Variants in CYP2J2 observed in about 807,000 individuals in gnomAD.
CYP2J2 encodes cytochrome P450 2J2.
A neutral mutation model predicts 48.8 loss-of-function variants in CYP2J2; 41 were observed. The observed-to-expected ratio is 0.84, with a 90% CI of 0.66 to 1.09. The LOEUF (loss-of-function observed/expected upper bound fraction) is 1.09. Among genes scored for constraint, CYP2J2 ranks in the 50% least tolerant of loss-of-function variants. CYP2J2 has a pLI of 0.00. For missense variants in CYP2J2, 644 were observed against 617.3 expected (o/e 1.04, Z -0.46); for synonymous variants, 221 against 227.1 (o/e 0.97, Z 0.24).
chr1:59,967,097 G>A, the CYP2J2 span, among the ~76,000 whole-genome samples: 1 of 152,132 alleles, frequency 6.6e-6, no homozygotes, highest in African/African-American at 2.4e-5. Flanking sequence ...CCTTTGAGCA[G>A]ATGTAGTTTT....
chr1:59,942,110 C>T, the CYP2J2 span, among the ~76,000 whole-genome samples: 2 of 152,072 alleles, frequency 1.3e-5, no homozygotes, highest in Admixed American at 1.3e-4. Flanking sequence ...TTTTGTGAAA[C>T]TTATGTTCTG....
rs373693438 is a variant in CYP2J2 at position 59,907,774 on chromosome 1, T to C, written c.1003+12A>G. 6.2e-7 allele frequency: 1 copy of C among 1,613,780 alleles called. No homozygotes were observed. Among genetic ancestry groups the C allele is most frequent in the Non-Finnish European group, 8.5e-7 (1 of 1,179,802 alleles). ...TCTGTCCTGGTTCAGGCTTACTCAC[T>C]GACATGCTCACCTTGGATTTCTGGG... On this transcript the variant is annotated intron_variant, in intron 6 of 8. Coordinates refer to ENST00000371204, the MANE Select transcript of CYP2J2 (RefSeq NM_000775.4).
the CYP2J2 span, among the ~76,000 whole-genome samples, chr1:59,948,657 T>G: frequency 6.6e-6 from 1 of 152,232 alleles, no homozygotes; most frequent in African/African-American, 2.4e-5. Context: ...TAATCATATT[T>G]TTGATGACAG....
chr1:59,940,799 A>G, the CYP2J2 span, among the ~76,000 whole-genome samples: 2 of 152,202 alleles, frequency 1.3e-5, no homozygotes, highest in African/African-American at 4.8e-5. Flanking sequence ...ATGGAAAACT[A>G]TTTGCCCATA....
chr1:59,925,840 G>T (rs1480728333), intron 1 of CYP2J2, among the ~76,000 whole-genome samples: 1 of 152,160 alleles, frequency 6.6e-6, no homozygotes. Context: ...TTGTCTCTCA[G>T]CAAGTTACCT....
chr1:59,944,408 A>T, the CYP2J2 span, among the ~76,000 whole-genome samples: 1 of 152,126 alleles, frequency 6.6e-6, no homozygotes, highest in Non-Finnish European at 1.5e-5. Flanking sequence ...TTTTTAGTAG[A>T]GCCGGGGTTT....
intron 4 of CYP2J2, 47 bp from the exon 5 acceptor site, chr1:59,910,007 T>G (rs1009652908): frequency 1.4e-6 from 2 of 1,466,348 alleles, no homozygotes; most frequent in Non-Finnish European, 1.9e-6. Context: ...TGGTGCCATT[T>G]TTTTCTTTTT....
the CYP2J2 span, among the ~76,000 whole-genome samples, chr1:59,945,254 C>T: frequency 6.6e-6 from 1 of 152,080 alleles, no homozygotes; most frequent in Non-Finnish European, 1.5e-5. Flanking sequence ...TTTGGCCCAT[C>T]TGACACTATT....
intron 1 of CYP2J2, among the ~76,000 whole-genome samples, chr1:59,917,730 A>C (rs1001956525): frequency 2.6e-5 from 4 of 152,212 alleles, no homozygotes; most frequent in African/African-American, 9.6e-5. Flanking sequence ...CACGAATCAA[A>C]ATCCTTCCTA....
chr1:59,934,376 A>G, the CYP2J2 span, among the ~76,000 whole-genome samples: 4 of 152,334 alleles, frequency 2.6e-5, no homozygotes, highest in East Asian at 7.7e-4. Context: ...GCAAAAACAT[A>G]CAAGTGAGAA....
chr1:59,909,989 A>G (rs2102122001), intron 4 of CYP2J2, 29 bp from the exon 5 acceptor site: 1 of 1,550,960 alleles, frequency 6.4e-7, no homozygotes, highest in East Asian at 2.3e-5. Flanking sequence ...ACAATCATGC[A>G]GATAACATGG....
the CYP2J2 span, among the ~76,000 whole-genome samples, chr1:59,959,361 C>T: frequency 3.3e-5 from 5 of 151,264 alleles, no homozygotes; most frequent in African/African-American, 1.2e-4. Flanking sequence ...AGATTCCTTA[C>T]ATAACTAAAA....
chr1:59,955,239 GATATATATATATCCATATATATATCCAT>G, the CYP2J2 span, among the ~76,000 whole-genome samples: 10 of 107,836 alleles, frequency 9.3e-5, no homozygotes, highest in African/African-American at 4.8e-4. Flanking sequence ...TACGAATAAG[GATATATATATATCCATATATATATCCAT>G]ATATATATAT....
intron 2 of CYP2J2, chr1:59,912,891 G>A (rs1327496442): frequency 6.6e-6 from 1 of 151,918 alleles, no homozygotes; most frequent in Admixed American, 6.5e-5. Context: ...AGAGATCAAG[G>A]AGGAGTGAAA....
At chr1:59,941,829 T>A in the CYP2J2 span, among the ~76,000 whole-genome samples, 2 of 148,716 alleles carry the variant, frequency 1.3e-5, no homozygotes, top group African/African-American at 2.6e-5. Context: ...AGCTGCACAA[T>A]ATGTGTTTTA....
At chr1:59,943,686 T>C in the CYP2J2 span, among the ~76,000 whole-genome samples, 172 of 152,020 alleles carry the variant, frequency 1.1e-3, no homozygotes, top group African/African-American at 3.8e-3. Context: ...AGTTTTTTTT[T>C]TTTCCCCCCA....
chr1:59,935,019 T>TACAC, the CYP2J2 span, among the ~76,000 whole-genome samples: 1 of 41,934 alleles, frequency 2.4e-5, no homozygotes, highest in Admixed American at 2.4e-4. Context: ...TATATACATA[T>TACAC]ATATATATAT....
intron 7 of CYP2J2, among the ~76,000 whole-genome samples, chr1:59,902,706 T>C (rs1444829569): frequency 6.6e-6 from 1 of 152,182 alleles, no homozygotes; most frequent in Non-Finnish European, 1.5e-5. Flanking sequence ...TGAGCCACCA[T>C]GCCCGGCCAA....
the CYP2J2 span, among the ~76,000 whole-genome samples, chr1:59,935,005 T>TATATATAC: frequency 6.4e-5 from 3 of 47,244 alleles, no homozygotes; most frequent in African/African-American, 3.5e-4. Flanking sequence ...TATATATATA[T>TATATATAC]ATATATATAC....
Sources: allele counts gnomAD v4.1 joint callset (sites outside exome capture counted in the v4.1 genomes callset), GRCh38; gene constraint gnomAD v4.1.1; transcripts MANE v1.5; gene names NCBI Gene and HGNC (gene_info 2026-07-23, HGNC 2026-07-21).